The following DROSHA variants were observed in gnomAD, a reference collection of about 807,000 sequenced individuals.
DROSHA encodes ribonuclease 3.
DROSHA carries 56 observed loss-of-function variants against 181.9 expected under a neutral mutation model. The ratio of observed to expected loss-of-function variants is 0.31; its 90% CI spans 0.25 to 0.38. The LOEUF is 0.38. Among genes scored for constraint, DROSHA ranks in the 10% least tolerant of loss-of-function variants. The probability of loss-of-function intolerance (pLI) is 1.00; values close to 1 mark genes in which losing one functional copy is unlikely to be tolerated. For synonymous variants in DROSHA, 524 were observed against 591.2 expected, an observed-to-expected ratio of 0.89 and a Z score of 1.65; for missense variants, 1,218 against 1,743.5, an observed-to-expected ratio of 0.70 and a Z score of 5.37.
chr5:31,437,232 T>C lies in DROSHA; in HGVS notation c.2942+7A>G. ...AGGAATTGTAAAAAACAAAAAAGCC[T>C]AATTACCTGGTCAGAAATTCAACAA... On this transcript the variant is annotated splice_region_variant and intron_variant, in intron 24 of 35. Transcript: ENST00000344624. 6.4e-7 allele frequency: 1 copy of C among 1,567,518 alleles called. No homozygotes were observed. Among genetic ancestry groups the C allele is most frequent in the East Asian group, 2.3e-5 (1 of 42,820 alleles).
At chr5:31,414,923 A>C (rs1580000598) in intron 30 of DROSHA, among the ~76,000 whole-genome samples, 1 of 152,230 alleles carries the variant, frequency 6.6e-6, no homozygotes, top group Admixed American at 6.5e-5. Context: ...GAAATGACTA[A>C]GAAGACTATA....
At position 31,526,926 on chromosome 5, in the gene DROSHA, A is replaced by G. The variant is rs756791390; in HGVS notation, c.21-14T>C. ...GACATTCTGTGACTTCATGGCAGAA[A>G]AGAAAAAGGGAAAAGTTTTTTTAAA... On this transcript the variant is annotated splice_polypyrimidine_tract_variant and intron_variant, in intron 4 of 35. Coordinates refer to ENST00000344624, the MANE Select transcript of DROSHA (RefSeq NM_001382508.1). The G allele has an allele frequency of 1.2e-6, 2 of 1,602,370 alleles. No individual in the cohort carries two copies. Among genetic ancestry groups the G allele is most frequent in the East Asian group, 4.5e-5 (2 of 44,834 alleles).
intron 20 of DROSHA, among the ~76,000 whole-genome samples, chr5:31,452,364 AT>A (rs1747133951): frequency 6.6e-6 from 1 of 152,188 alleles, no homozygotes; most frequent in Admixed American, 6.5e-5. Flanking sequence ...TCTGAAGACA[AT>A]TTTTATAAAG....
intron 11 of DROSHA, among the ~76,000 whole-genome samples, chr5:31,499,429 T>A (rs1753342389): frequency 6.6e-6 from 1 of 152,022 alleles, no homozygotes; most frequent in Non-Finnish European, 1.5e-5. Flanking sequence ...CAACAAGCAA[T>A]GAAGATGCCA....
chr5:31,526,470 G>A lies in DROSHA; in HGVS notation c.463C>T (p.Pro155Ser). ...MMPPPSMPHP[P>S]PPPVMPQQVN... is the part of the protein sequence containing the mutation. ...TGCTGCGGCATGACTGGAGGGGGCG[G>A]GGGATGAGGCATGGAGGGAGGGGGC... The change falls in exon 5 of 36, where the codon CCG becomes TCG. Residue 155 changes from proline (P) to serine (S), a missense_variant. Around this residue, in one of 8 missense-constraint regions of DROSHA, gnomAD observed 536 missense variants for 535.4 expected, o/e 1.00. Transcript: ENST00000344624. 3 of 1,608,832 alleles carry A rather than the reference G, an allele frequency of 1.9e-6. No individual in the cohort carries two copies. Among genetic ancestry groups the A allele is most frequent in the South Asian group, 2.2e-5 (2 of 90,400 alleles).
intron 12 of DROSHA, among the ~76,000 whole-genome samples, chr5:31,493,883 T>C (rs1291756220): frequency 6.6e-6 from 1 of 151,970 alleles, no homozygotes; most frequent in Non-Finnish European, 1.5e-5. Flanking sequence ...ATAATACATA[T>C]ATCAATCTAA....
At chr5:31,487,315 C>A (rs1452353048) in intron 13 of DROSHA, among the ~76,000 whole-genome samples, 1 of 152,158 alleles carries the variant, frequency 6.6e-6, no homozygotes, top group South Asian at 2.1e-4. Context: ...CCTCTCATTA[C>A]CTGTTCTAAT....
intron 29 of DROSHA, chr5:31,421,654 G>T (rs1269154120): frequency 6.2e-6 from 2 of 323,894 alleles, no homozygotes; most frequent in South Asian, 1.3e-4. Flanking sequence ...AAGCTGAAGA[G>T]CATAAATTGA....
chr5:31,531,980 C>T lies in DROSHA; in HGVS notation c.-250+10G>A. 4.7e-6 allele frequency: 1 copy of T among 213,838 alleles called. No homozygotes were observed. The highest frequency in any genetic ancestry group is 5.9e-5 in the South Asian group (1 of 17,024). The allele number at this position is 213,838 out of a possible 1,614,324, so 13.2% of individuals were successfully genotyped here. A position where few individuals can be genotyped will look rare whatever the true frequency, so the allele number is the denominator to read the frequency against. Reference sequence around the variant, plus strand: ...ACTCTCTTCTAACACTTGCAAGGTACCCCTTTTACCTATAAAAGGCTCTCG... The same window carrying T: ...ACTCTCTTCTAACACTTGCAAGGTATCCCTTTTACCTATAAAAGGCTCTCG... On this transcript the variant is annotated intron_variant, in intron 1 of 35. Coordinates refer to ENST00000344624, the MANE Select transcript of DROSHA (RefSeq NM_001382508.1).
Position 31,437,244 on chromosome 5 carries a change from C to T in DROSHA, c.2937G>A (p.Leu979=), listed in dbSNP as rs2150006041. ...EFLGDAVVEF[L]TSVHLYYLFP... is the part of the protein sequence containing the mutation. ...AAACAAAAAAGCCTAATTACCTGGT[C>T]AGAAATTCAACAACAGCATCACCCA... Residue 979 remains leucine, a synonymous_variant, in exon 24 of 36, where the codon CTG becomes CTA. Coordinates refer to ENST00000344624, the MANE Select transcript of DROSHA (RefSeq NM_001382508.1). 6.4e-7 allele frequency: 1 copy of T among 1,573,578 alleles called. No individual in the cohort carries two copies. The highest frequency in any genetic ancestry group is 8.6e-7 in the Non-Finnish European group (1 of 1,158,244).
Position 31,429,513 on chromosome 5 carries a change from C to T in DROSHA, c.3178G>A (p.Ala1060Thr), listed in dbSNP as rs1489218491. 1 of 1,612,260 alleles carries T rather than the reference C, an allele frequency of 6.2e-7. No homozygotes were observed. Among genetic ancestry groups the T allele is most frequent in the Non-Finnish European group, 8.5e-7 (1 of 1,178,902 alleles). ...AGCAAGCGTCCAAATAACTGCTTGG[C>T]TTCCTCCAGGCTTCCCTCCAAGTAA... is the stretch of plus-strand genomic sequence containing the variant. ...AVYLEGSLEE[A>T]KQLFGRLLFN... Residue 1060 changes from alanine to threonine, a missense_variant, in exon 27 of 36, where the codon GCC becomes ACC. Around this residue, in one of 8 missense-constraint regions of DROSHA, gnomAD observed 71 missense variants for 95.2 expected, o/e 0.75. Coordinates refer to ENST00000344624, the MANE Select transcript of DROSHA (RefSeq NM_001382508.1).
At chr5:31,527,603 T>TAG in intron 4 of DROSHA, 2 of 152,824 alleles carry the variant, frequency 1.3e-5, no homozygotes, top group Non-Finnish European at 2.9e-5. Flanking sequence ...TATGATGGGA[T>TAG]TAGTACCCTT....
chr5:31,483,835 A>T (rs1250569821), intron 15 of DROSHA, among the ~76,000 whole-genome samples: 3 of 152,160 alleles, frequency 2.0e-5, no homozygotes, highest in Non-Finnish European at 4.4e-5. Context: ...GAAGACTGCA[A>T]TGAGGAGACT....
intron 10 of DROSHA, among the ~76,000 whole-genome samples, chr5:31,506,320 A>G (rs6869831): frequency 0.5 from 74,658 of 149,932 alleles, 21,289 homozygotes; most frequent in Non-Finnish European, 0.65. Context: ...CTGAGATTGT[A>G]CCACGGCACT....
At chr5:31,479,508 A>G (rs1291903824) in intron 16 of DROSHA, among the ~76,000 whole-genome samples, 1 of 152,202 alleles carries the variant, frequency 6.6e-6, no homozygotes, top group Non-Finnish European at 1.5e-5. Flanking sequence ...GAAAGTGAAG[A>G]AAATATAAGT....
intron 19 of DROSHA, among the ~76,000 whole-genome samples, chr5:31,465,265 T>C (rs1352454922): frequency 6.6e-6 from 1 of 152,204 alleles, no homozygotes; most frequent in African/African-American, 2.4e-5. Context: ...CTGAAACCGT[T>C]TATTCTTATA....
At chr5:31,512,674 C>G (rs1580352345) in intron 8 of DROSHA, among the ~76,000 whole-genome samples, 1 of 152,184 alleles carries the variant, frequency 6.6e-6, no homozygotes, top group Admixed American at 6.5e-5. Flanking sequence ...AATCAGGGAA[C>G]CTTTGCCAAC....
At chr5:31,482,262 G>T (rs148292550) in intron 16 of DROSHA, among the ~76,000 whole-genome samples, 1 of 152,142 alleles carries the variant, frequency 6.6e-6, no homozygotes, top group Admixed American at 6.5e-5. Context: ...CCCATATATA[G>T]AAGAAAAGGC....
chr5:31,405,763 G>GATT, intron 34 of DROSHA, 40 bp from the exon 35 acceptor site: 7 of 424,646 alleles, frequency 1.6e-5, no homozygotes, highest in South Asian at 4.1e-5. Flanking sequence ...TTAATTTCAA[G>GATT]ATTCTTTTTT....
Sources: allele counts gnomAD v4.1 joint callset (sites outside exome capture counted in the v4.1 genomes callset), GRCh38; gene constraint gnomAD v4.1.1; regional missense constraint gnomAD v4.1.1; transcripts MANE v1.5; gene names NCBI Gene and HGNC (gene_info 2026-07-23, HGNC 2026-07-21).